Variants in MOB3B observed in about 807,000 individuals in gnomAD.
The protein encoded by MOB3B is MOB kinase activator-like 2B.
Under a neutral mutation model 18.7 loss-of-function variants are expected in MOB3B, and 7 were observed. That is an observed-to-expected ratio of 0.37 (90% CI 0.21 to 0.70). The LOEUF (loss-of-function observed/expected upper bound fraction) is 0.70, where lower values mean the gene tolerates loss of function less well. Among genes scored for constraint, MOB3B ranks in the 30% least tolerant of loss-of-function variants. The probability of loss-of-function intolerance (pLI) is 0.52; values close to 1 mark genes in which losing one functional copy is unlikely to be tolerated. For missense variants in MOB3B, 253 were observed against 281.3 expected (o/e 0.90, Z 0.72); for synonymous variants, 111 against 99.9 (o/e 1.11, Z -0.66).
intron 2 of MOB3B, chr9:27,397,437 C>G (rs1346528771): frequency 6.6e-6 from 1 of 152,156 alleles, no homozygotes; most frequent in African/African-American, 2.4e-5. Context: ...TCAATAGGCT[C>G]TCCACTGATT....
chr9:27,333,084 G>C (rs1249814294), intron 3 of MOB3B, among the ~76,000 whole-genome samples: 1 of 152,186 alleles, frequency 6.6e-6, no homozygotes, highest in Admixed American at 6.5e-5. Context: ...GCCACTGAGA[G>C]AGTATGGACA....
chr9:27,495,099 TG>T (rs1471558123), intron 1 of MOB3B, among the ~76,000 whole-genome samples: 3 of 151,632 alleles, frequency 2.0e-5, no homozygotes, highest in Admixed American at 1.3e-4. Flanking sequence ...GAGGCTGAGG[TG>T]GGAGGATCAC....
At chr9:27,359,385 G>GGC (rs1821241655) in intron 2 of MOB3B, 149 bp from the exon 3 acceptor site, 1 of 635,692 alleles carries the variant, frequency 1.6e-6, no homozygotes, top group African/African-American at 1.8e-5. Context: ...GTGTGGGGGG[G>GGC]GGGGGTTGGT....
chr9:27,424,902 T>C (rs2131416094), intron 2 of MOB3B, among the ~76,000 whole-genome samples: 1 of 152,344 alleles, frequency 6.6e-6, no homozygotes, highest in African/African-American at 2.4e-5. Context: ...GAAACTGTCC[T>C]CAACCTTCCA....
At position 27,366,316 on chromosome 9, in the gene MOB3B, C is replaced by T. The variant is rs184608425; in HGVS notation, c.419-7080G>A. ...GGCCCCATGCAGATTTGCCTTTCATCTCTGCCTTAGGAAATCTCCTTTCTC... is the reference window on the plus strand; with the variant it reads ...GGCCCCATGCAGATTTGCCTTTCATTTCTGCCTTAGGAAATCTCCTTTCTC... On this transcript the variant is annotated intron_variant, in intron 2 of 3. Coordinates refer to ENST00000262244, the MANE Select transcript of MOB3B (RefSeq NM_024761.5). Among the ~76,000 whole-genome samples the T allele has an allele frequency of 9.7e-4, 147 of 152,288 alleles. 1 individual carries two copies. The highest frequency in any genetic ancestry group is 4.1e-4 in the Non-Finnish European group (28 of 68,010).
At chr9:27,347,143 G>A (rs1254407519) in intron 3 of MOB3B, among the ~76,000 whole-genome samples, 1 of 152,242 alleles carries the variant, frequency 6.6e-6, no homozygotes, top group Non-Finnish European at 1.5e-5. Flanking sequence ...ACTTATTTTA[G>A]CAGCAGAAAC....
intron 2 of MOB3B, among the ~76,000 whole-genome samples, chr9:27,364,144 G>A (rs898319084): frequency 6.6e-6 from 1 of 152,290 alleles, no homozygotes; most frequent in East Asian, 1.9e-4. Context: ...AAGAAGAAAG[G>A]CAACTGGATC....
chr9:27,442,094 A>T (rs975155394), intron 2 of MOB3B, among the ~76,000 whole-genome samples: 2 of 152,290 alleles, frequency 1.3e-5, no homozygotes, highest in Middle Eastern at 3.4e-3. Context: ...TATTTTTCAT[A>T]AAAAAAGTTA....
intron 2 of MOB3B, among the ~76,000 whole-genome samples, chr9:27,438,707 A>G (rs1476628313): frequency 6.6e-6 from 1 of 152,162 alleles, no homozygotes; most frequent in Non-Finnish European, 1.5e-5. Context: ...TGAAACGTAC[A>G]CTTGCGGCGC....
At chr9:27,492,274 C>T (rs1051077543) in intron 1 of MOB3B, among the ~76,000 whole-genome samples, 3 of 152,106 alleles carry the variant, frequency 2.0e-5, no homozygotes, top group Non-Finnish European at 2.9e-5. Context: ...ATAAGGTTCA[C>T]ACTCATTATA....
chr9:27,459,742 T>C (rs1235499761), intron 1 of MOB3B, among the ~76,000 whole-genome samples: 2 of 152,046 alleles, frequency 1.3e-5, no homozygotes, highest in East Asian at 3.9e-4. Context: ...AGGTCTCCAG[T>C]GAATACCTTT....
At chr9:27,524,787 G>A in intron 1 of MOB3B, 1 of 1,614,022 alleles carries the variant, frequency 6.2e-7, no homozygotes, top group African/African-American at 1.3e-5. Flanking sequence ...GAAACCCTCA[G>A]AAGCCAGGGT....
chr9:27,336,976 A>G lies in MOB3B; in HGVS notation c.622-6360T>C, dbSNP rs139261367. Among the ~76,000 whole-genome samples, 658 of 152,332 alleles carry G rather than the reference A, an allele frequency of 4.3e-3. 3 individuals carry two copies. The highest frequency in any genetic ancestry group is 0.014 in the African/African-American group (576 of 41,590). Reference sequence around the variant, plus strand: ...GTCAAAGGGTATTGCACGTTTCACAAAGTGCCTCCCTGCCCATTAATCAGC... The same window carrying G: ...GTCAAAGGGTATTGCACGTTTCACAGAGTGCCTCCCTGCCCATTAATCAGC... On this transcript the variant is annotated intron_variant, in intron 3 of 3. Transcript: ENST00000262244.
intron 2 of MOB3B, among the ~76,000 whole-genome samples, chr9:27,431,530 C>G (rs938933590): frequency 1.3e-5 from 2 of 152,188 alleles, no homozygotes; most frequent in Non-Finnish European, 2.9e-5. Context: ...TAAGTGGCAG[C>G]AAGAATCAAC....
chr9:27,393,590 A>G (rs1224175267), intron 2 of MOB3B, among the ~76,000 whole-genome samples: 2 of 152,220 alleles, frequency 1.3e-5, no homozygotes, highest in East Asian at 3.8e-4. Flanking sequence ...TTCTACAAAC[A>G]GAGTTCACAC....
chr9:27,417,359 G>A (rs531057385), intron 2 of MOB3B, among the ~76,000 whole-genome samples: 2 of 149,912 alleles, frequency 1.3e-5, no homozygotes, highest in Admixed American at 6.8e-5. Context: ...GCGAGACTCC[G>A]TCTCAAAAAC....
intron 2 of MOB3B, among the ~76,000 whole-genome samples, chr9:27,407,933 A>T (rs4879468): frequency 0.84 from 127,081 of 152,042 alleles, 53,424 homozygotes; most frequent in East Asian, 1. Context: ...ATCACACCTC[A>T]GATACTGGGG....
chr9:27,366,683 A>G (rs571961345), intron 2 of MOB3B, among the ~76,000 whole-genome samples: 37 of 152,284 alleles, frequency 2.4e-4, no homozygotes, highest in South Asian at 2.1e-3. Context: ...AGAAAGGCCA[A>G]CACCTGGGAA....
chr9:27,328,413 CCAGAATTTACCCTAGAAGAGTT>C lies in MOB3B; in HGVS notation c.*2152_*2173del, dbSNP rs1820741722. 1.3e-5 allele frequency: 2 copies of C among 151,378 alleles called. No homozygotes were observed. The highest frequency in any genetic ancestry group is 3.9e-4 in the East Asian group (2 of 5,150). 9.4% of individuals were successfully genotyped at this position (151,378 alleles called of 1,614,324 possible). A position where few individuals can be genotyped will look rare whatever the true frequency, so the allele number is the denominator to read the frequency against. Reference sequence around the variant, plus strand: ...TTAAAAAAAAAAAAAGGGTAGTTTGCCAGAATTTACCCTAGAAGAGTTCATTAGTGCAATTAACAATATAAGC... The same window carrying C: ...TTAAAAAAAAAAAAAGGGTAGTTTGCCATTAGTGCAATTAACAATATAAGC... On this transcript the variant is annotated 3_prime_UTR_variant, in exon 4 of 4. Transcript: ENST00000262244.
Sources: allele counts gnomAD v4.1 joint callset (sites outside exome capture counted in the v4.1 genomes callset), GRCh38; gene constraint gnomAD v4.1.1; transcripts MANE v1.5; gene names NCBI Gene and HGNC (gene_info 2026-07-23, HGNC 2026-07-21).